The following MKX variants were observed in gnomAD, a reference collection of about 807,000 sequenced individuals.
The protein encoded by MKX is homeobox protein Mohawk.
In MKX, 13 loss-of-function variants were observed where a neutral mutation model predicts 36.0. The observed-to-expected ratio is 0.36, with a 90% CI of 0.24 to 0.57. The LOEUF (loss-of-function observed/expected upper bound fraction) is 0.57. Ranked by LOEUF, MKX falls within the 20% of genes least tolerant of loss-of-function variation. The pLI is 0.79. For missense variants in MKX, 458 were observed against 456.4 expected, an observed-to-expected ratio of 1.00 and a Z score of -0.03; for synonymous variants, 176 against 178.3, an observed-to-expected ratio of 0.99 and a Z score of 0.10.
chr10:27,710,082 T>C (rs1836825665), intron 5 of MKX, among the ~76,000 whole-genome samples: 1 of 152,204 alleles, frequency 6.6e-6, no homozygotes, highest in African/African-American at 2.4e-5. Context: ...CATGTGGCTA[T>C]TGGCTACCAT....
chr10:27,694,527 AAT>A (rs1554770422), intron 5 of MKX, among the ~76,000 whole-genome samples: 17 of 114,334 alleles, frequency 1.5e-4, no homozygotes, highest in East Asian at 1.0e-3. Flanking sequence ...AAAAAAAAAA[AAT>A]ATATATATAT....
At chr10:27,702,768 T>G (rs1489911449) in intron 5 of MKX, among the ~76,000 whole-genome samples, 1 of 152,134 alleles carries the variant, frequency 6.6e-6, no homozygotes, top group East Asian at 1.9e-4. Flanking sequence ...CTTCTCAATG[T>G]TAACCAAAGT....
intron 5 of MKX, among the ~76,000 whole-genome samples, chr10:27,700,593 C>T (rs1314179550): frequency 2.0e-5 from 3 of 152,110 alleles, no homozygotes; most frequent in African/African-American, 7.2e-5. Context: ...GCTTTCTTTG[C>T]TTGCTGTTAT....
At chr10:27,730,779 T>C (rs7358288) in intron 5 of MKX, among the ~76,000 whole-genome samples, 1 of 151,430 alleles carries the variant, frequency 6.6e-6, no homozygotes, top group African/African-American at 2.4e-5. Context: ...TTTGATTCCA[T>C]ATATTTAATA....
intron 5 of MKX, among the ~76,000 whole-genome samples, chr10:27,689,230 C>G (rs1382412817): frequency 6.6e-6 from 1 of 152,192 alleles, no homozygotes. Context: ...CGCTCACAAA[C>G]TTCTTGGCTC....
chr10:27,742,640 C>T lies in MKX; in HGVS notation c.188+588G>A, dbSNP rs1834930407. 6.6e-6 allele frequency among the ~76,000 whole-genome samples: 1 copy of T among 151,868 alleles called. No homozygotes were observed. Among genetic ancestry groups the T allele is most frequent in the South Asian group, 2.1e-4 (1 of 4,816 alleles). On this transcript the variant is annotated intron_variant, in intron 2 of 6. Transcript: ENST00000419761. This position sits in a 1 kb window ranked among gnomAD's most constrained non-coding sequence, Gnocchi z 4.2. ...CCGCCCCCCCCAGCATACCCCTCAC[C>T]CCGCTAAACTCAAACCCGGCCCCGC...
At position 27,673,843 on chromosome 10, in the gene MKX, C is replaced by T. The variant is rs1474872414; in HGVS notation, c.*1386G>A. 6.6e-6 allele frequency: 1 copy of T among 152,066 alleles called. No individual in the cohort carries two copies. Among genetic ancestry groups the T allele is most frequent in the Non-Finnish European group, 1.5e-5 (1 of 67,916 alleles). The allele number at this position is 152,066 out of a possible 1,614,324, so 9.4% of individuals were successfully genotyped here. A position where few individuals can be genotyped will look rare whatever the true frequency, so the allele number is the denominator to read the frequency against. ...TGTCACCACTGGCTGCACTATTGAC[C>T]CTCATTCACACTGACAAAAATGCTT... On this transcript the variant is annotated 3_prime_UTR_variant, in exon 7 of 7. Transcript: ENST00000419761.
At chr10:27,735,710 T>C (rs901006400) in intron 3 of MKX, among the ~76,000 whole-genome samples, 4 of 152,160 alleles carry the variant, frequency 2.6e-5, no homozygotes, top group African/African-American at 9.7e-5. Flanking sequence ...GACATTAAAA[T>C]GATACGAGTC....
At chr10:27,703,958 C>T (rs1487904096) in intron 5 of MKX, among the ~76,000 whole-genome samples, 1 of 151,804 alleles carries the variant, frequency 6.6e-6, no homozygotes, top group East Asian at 1.9e-4. Context: ...TACAAGAAAA[C>T]ACAGAAAAAT....
At chr10:27,717,616 C>T (rs903104860) in intron 5 of MKX, among the ~76,000 whole-genome samples, 5 of 152,196 alleles carry the variant, frequency 3.3e-5, no homozygotes, top group Non-Finnish European at 5.9e-5. Flanking sequence ...ACAGGATATA[C>T]AGAAACATTG....
intron 5 of MKX, among the ~76,000 whole-genome samples, chr10:27,687,172 A>G (rs185490650): frequency 1.4e-4 from 21 of 151,958 alleles, no homozygotes; most frequent in African/African-American, 1.9e-4. Flanking sequence ...ACGCCCGGCT[A>G]ATTTTTGTAT....
intron 3 of MKX, among the ~76,000 whole-genome samples, chr10:27,736,520 T>G (rs945052667): frequency 6.6e-6 from 1 of 152,114 alleles, no homozygotes; most frequent in Non-Finnish European, 1.5e-5. Context: ...GGAAGAGAAT[T>G]AAATCTTTCT....
chr10:27,724,165 CA>C (rs1000977592), intron 5 of MKX, among the ~76,000 whole-genome samples: 4 of 151,778 alleles, frequency 2.6e-5, no homozygotes, highest in Non-Finnish European at 5.9e-5. Flanking sequence ...AACACACACA[CA>C]AAAAAATAAA....
intron 5 of MKX, among the ~76,000 whole-genome samples, chr10:27,679,537 C>T (rs1027183012): frequency 2.6e-5 from 4 of 152,162 alleles, no homozygotes; most frequent in African/African-American, 9.7e-5. Flanking sequence ...AGTGCCACCT[C>T]CTGTGGAGTA....
At chr10:27,684,713 T>C (rs1382354197) in intron 5 of MKX, among the ~76,000 whole-genome samples, 3 of 152,220 alleles carry the variant, frequency 2.0e-5, no homozygotes, top group Non-Finnish European at 4.4e-5. Context: ...AACTTAAACT[T>C]GAATATTAAG....
At chr10:27,732,308 A>G (rs1425069866) in intron 5 of MKX, among the ~76,000 whole-genome samples, 1 of 152,178 alleles carries the variant, frequency 6.6e-6, no homozygotes, top group Non-Finnish European at 1.5e-5. Context: ...GGATTGACTA[A>G]AAATCTTAAT....
At chr10:27,705,466 T>C (rs1836731374) in intron 5 of MKX, among the ~76,000 whole-genome samples, 1 of 152,198 alleles carries the variant, frequency 6.6e-6, no homozygotes. Flanking sequence ...GCGATCCTAC[T>C]GCCTCAGCCT....
chr10:27,720,428 T>C (rs1360966088), intron 5 of MKX, among the ~76,000 whole-genome samples: 2 of 152,050 alleles, frequency 1.3e-5, no homozygotes. Flanking sequence ...AAGAATATTA[T>C]ATTGATATGG....
chr10:27,685,607 C>A (rs1836331696), intron 5 of MKX, among the ~76,000 whole-genome samples: 1 of 151,932 alleles, frequency 6.6e-6, no homozygotes, highest in South Asian at 2.1e-4. Flanking sequence ...CGCCACCACG[C>A]CTGGCTAATT....
Sources: allele counts gnomAD v4.1 joint callset (sites outside exome capture counted in the v4.1 genomes callset), GRCh38; gene constraint gnomAD v4.1.1; non-coding constraint Gnocchi (gnomAD v3.1); transcripts MANE v1.5; gene names NCBI Gene and HGNC (gene_info 2026-07-23, HGNC 2026-07-21).